NUP214: variants seen among roughly 807,000 people sequenced by gnomAD.
NUP214 encodes nucleoporin 214.
Under a neutral mutation model 196.2 loss-of-function variants are expected in NUP214, and 79 were observed. The ratio of observed to expected loss-of-function variants is 0.40; its 90% CI spans 0.34 to 0.49. NUP214 has a LOEUF of 0.49. NUP214 is among the 20% of genes least tolerant of loss of function. NUP214 has a pLI of 0.58. For synonymous variants in NUP214, 1,020 were observed against 990.5 expected (o/e 1.03, Z -0.56); for missense variants, 2,468 against 2,539.0 (o/e 0.97, Z 0.60).
intron 33 of NUP214, chr9:131,228,795 A>C (rs1396144933): frequency 6.5e-6 from 1 of 153,410 alleles, no homozygotes; most frequent in Non-Finnish European, 1.5e-5. Context: ...GCAGCCCCCC[A>C]GAGTGAGTAT....
chr9:131,205,211 A>G lies in NUP214; in HGVS notation c.5592+3494A>G, dbSNP rs989956697. Among the ~76,000 whole-genome samples, 6 of 152,238 alleles carry G rather than the reference A, an allele frequency of 3.9e-5. No homozygotes were observed. In the East Asian group the frequency reaches 1.2e-3, roughly 29 times the overall value. On this transcript the variant is annotated intron_variant, in intron 30 of 35. Coordinates refer to ENST00000359428, the MANE Select transcript of NUP214 (RefSeq NM_005085.4). ...ATGGCCCTCTTAATTTTAGGGTAAA[A>G]CAAGCCATTAAATAGGAAAATTGTA...
intron 3 of NUP214, 188 bp downstream of exon 3, chr9:131,128,671 T>TGAGACAG: frequency 4.0e-6 from 2 of 495,792 alleles, no homozygotes; most frequent in Non-Finnish European, 6.8e-6. Context: ...AAGAAATTCT[T>TGAGACAG]TCATAACGCC....
chr9:131,174,289 G>A lies in NUP214; in HGVS notation c.3128G>A (p.Gly1043Asp). ...APFAKSHLVH[G>D]SSPGVMGTSV... ...TTTGCTAAATCTCACCTGGTTCATGGTTCTTCACCTGGTGTGATGGGAACT... is the reference window on the plus strand; with the variant it reads ...TTTGCTAAATCTCACCTGGTTCATGATTCTTCACCTGGTGTGATGGGAACT... Residue 1043 changes from glycine (G) to aspartate (D), a missense_variant, in exon 22 of 36, where the codon GGT becomes GAT. By Grantham distance (94) the Gly-to-Asp change is moderately conservative. Around this residue, in one of 5 missense-constraint regions of NUP214, gnomAD observed 1,801 missense variants for 1,779.4 expected, o/e 1.01. Coordinates refer to ENST00000359428, the MANE Select transcript of NUP214 (RefSeq NM_005085.4). 2 of 1,613,498 alleles carry A rather than the reference G, an allele frequency of 1.2e-6. No individual in the cohort carries two copies. Among genetic ancestry groups the A allele is most frequent in the Non-Finnish European group, 1.7e-6 (2 of 1,179,876 alleles).
chr9:131,219,889 A>G (rs2131089424), intron 31 of NUP214, among the ~76,000 whole-genome samples: 1 of 152,306 alleles, frequency 6.6e-6, no homozygotes, highest in African/African-American at 2.4e-5. Flanking sequence ...GTATGCATTG[A>G]ATTCTTGTTC....
intron 27 of NUP214, chr9:131,192,603 T>C (rs917373927): frequency 1.5e-5 from 3 of 201,486 alleles, no homozygotes; most frequent in Non-Finnish European, 3.0e-5. Context: ...CACTGAGATG[T>C]TTCCATTCTG....
chr9:131,188,311 T>C (rs552191285), intron 25 of NUP214, among the ~76,000 whole-genome samples: 195 of 152,354 alleles, frequency 1.3e-3, no homozygotes, highest in Non-Finnish European at 2.2e-3. Flanking sequence ...ATAGGTGATA[T>C]TGCAAACAGT....
chr9:131,134,928 G>A lies in NUP214; in HGVS notation c.862G>A (p.Val288Met), dbSNP rs1199837564. Residue 288 changes from valine to methionine, a missense_variant, in exon 8 of 36, where the codon GTG becomes ATG. Val to Met is a conservative substitution (Grantham distance 21, BLOSUM62 1). Coordinates refer to ENST00000359428, the MANE Select transcript of NUP214 (RefSeq NM_005085.4). Reference sequence around the variant, plus strand: ...AGAAGAAAAGCACCCAGAGATATTTGTGAACTTTATGGAGCCCTGTTATGG... The same window carrying A: ...AGAAGAAAAGCACCCAGAGATATTTATGAACTTTATGGAGCCCTGTTATGG... ...KKEEKHPEIFVNFMEPCYGSC... is the reference protein window; with the variant it reads ...KKEEKHPEIFMNFMEPCYGSC... 1.7e-5 allele frequency: 28 copies of A among 1,613,810 alleles called. No individual in the cohort carries two copies. Among genetic ancestry groups the A allele is most frequent in the Non-Finnish European group, 2.4e-5 (28 of 1,179,806 alleles).
At chr9:131,214,221 G>A (rs562269777) in intron 30 of NUP214, among the ~76,000 whole-genome samples, 2 of 152,302 alleles carry the variant, frequency 1.3e-5, no homozygotes, top group African/African-American at 2.4e-5. Flanking sequence ...AAAATACTTA[G>A]GAATGTGCCT....
At chr9:131,220,041 A>G (rs1834516248) in intron 31 of NUP214, among the ~76,000 whole-genome samples, 3 of 152,020 alleles carry the variant, frequency 2.0e-5, no homozygotes, top group Non-Finnish European at 4.4e-5. Context: ...GTTTTTGCCA[A>G]ATAAAAGACC....
intron 27 of NUP214, 53 bp from the exon 28 acceptor site, chr9:131,195,180 C>T (rs1833738728): frequency 8.2e-7 from 1 of 1,222,826 alleles, no homozygotes; most frequent in African/African-American, 1.5e-5. Context: ...ATTAAGAGGG[C>T]AATATTGTGC....
At chr9:131,181,909 C>T (rs536286011) in intron 24 of NUP214, among the ~76,000 whole-genome samples, 39 of 152,256 alleles carry the variant, frequency 2.6e-4, no homozygotes, top group South Asian at 1.2e-3. Flanking sequence ...AAGATTTACA[C>T]CGATGTTTTC....
intron 17 of NUP214, among the ~76,000 whole-genome samples, chr9:131,156,660 AT>A (rs1339551372): frequency 4.0e-5 from 6 of 148,968 alleles, no homozygotes; most frequent in Non-Finnish European, 7.4e-5. Context: ...AGTGCTACTG[AT>A]TTGTGTACAT....
chr9:131,134,977 A>G lies in NUP214; in HGVS notation c.911A>G (p.His304Arg), dbSNP rs1316175064. ...CYGSCTERQH[H>R]YYLSYIEEWD... is the part of the protein sequence containing the mutation. ...GGCAGCTGCACGGAGAGACAGCATC[A>G]TTACTACCTCAGTTACATTGAGGAA... The change falls in exon 8 of 36, where the codon CAT becomes CGT. Residue 304 changes from histidine to arginine, a missense_variant. By Grantham distance (29) the His-to-Arg change is conservative. Transcript: ENST00000359428. The G allele has an allele frequency of 8.1e-6, 13 of 1,613,048 alleles. No homozygotes were observed. The highest frequency in any genetic ancestry group is 1.1e-5 in the Non-Finnish European group (13 of 1,179,220).
chr9:131,184,516 A>G (rs1379855061), intron 24 of NUP214, among the ~76,000 whole-genome samples: 1 of 151,560 alleles, frequency 6.6e-6, no homozygotes, highest in Admixed American at 6.6e-5. Flanking sequence ...TTGTATTTTT[A>G]GTAGAGACGG....
rs1261052790 is a variant in NUP214 at position 131,136,020 on chromosome 9, T to G, written c.1005+14T>G. ...CAAAGTGATCAGGTAAATCTCTTTT[T>G]TGTCACTTCTGTGGTGCTTTCTTTT... On this transcript the variant is annotated intron_variant, in intron 9 of 35. Transcript: ENST00000359428. 6.2e-7 allele frequency: 1 copy of G among 1,601,140 alleles called. No homozygotes were observed. Among genetic ancestry groups the G allele is most frequent in the Admixed American group, 1.7e-5 (1 of 59,902 alleles).
intron 8 of NUP214, chr9:131,135,264 G>C (rs960957178): frequency 2.6e-6 from 1 of 387,526 alleles, no homozygotes; most frequent in African/African-American, 2.1e-5. Context: ...TTTTAAATAA[G>C]TTTTTTGGTT....
At chr9:131,190,635 T>G (rs185331703) in intron 26 of NUP214, 90 of 521,932 alleles carry the variant, frequency 1.7e-4, no homozygotes, top group African/African-American at 1.7e-3. Context: ...ATACCTTCAT[T>G]GTTTTTCTGA....
chr9:131,187,326 C>G lies in NUP214; in HGVS notation c.3457C>G (p.Pro1153Ala). The G allele has an allele frequency of 6.2e-7, 1 of 1,613,814 alleles. No individual in the cohort carries two copies. The highest frequency in any genetic ancestry group is 2.2e-5 in the East Asian group (1 of 44,862). ...CTACTCCACAGCCAAAACACCTCAC[C>G]CAGTGTTGACCCCAGTGGCTGCTAA... ...VPYSTAKTPH[P>A]VLTPVAANQA... is the part of the protein sequence containing the mutation. The change falls in exon 25 of 36, where the codon CCA (proline) becomes GCA (alanine). Residue 1153 changes from proline to alanine, a missense_variant. Pro to Ala is a conservative substitution (Grantham distance 27). Around this residue, in one of 5 missense-constraint regions of NUP214, gnomAD observed 1,801 missense variants for 1,779.4 expected, o/e 1.01. Coordinates refer to ENST00000359428, the MANE Select transcript of NUP214 (RefSeq NM_005085.4).
chr9:131,149,154 C>T (rs1832177536), intron 14 of NUP214, among the ~76,000 whole-genome samples: 1 of 152,006 alleles, frequency 6.6e-6, no homozygotes, highest in Admixed American at 6.6e-5. Flanking sequence ...AACCCTTGTA[C>T]CCTAACACAC....
Sources: allele counts gnomAD v4.1 joint callset (sites outside exome capture counted in the v4.1 genomes callset), GRCh38; gene constraint gnomAD v4.1.1; regional missense constraint gnomAD v4.1.1; transcripts MANE v1.5; gene names NCBI Gene and HGNC (gene_info 2026-07-23, HGNC 2026-07-21).